RXRA: variants seen among roughly 807,000 people sequenced by gnomAD.
The protein encoded by RXRA is retinoic acid receptor RXR-alpha.
In RXRA, 5 loss-of-function variants were observed where a neutral mutation model predicts 44.5. That is an observed-to-expected ratio of 0.11 (90% CI 0.06 to 0.24). The LOEUF is 0.24. RXRA is among the 10% of genes least tolerant of loss of function. RXRA has a pLI of 1.00. For synonymous variants in RXRA, 291 were observed against 271.4 expected (o/e 1.07, Z -0.71); for missense variants, 412 against 646.5 (o/e 0.64, Z 3.93).
chr9:134,414,304 G>T (rs1237507794), intron 4 of RXRA, among the ~76,000 whole-genome samples: 1 of 152,256 alleles, frequency 6.6e-6, no homozygotes, highest in Non-Finnish European at 1.5e-5. Flanking sequence ...GGCCACCCTT[G>T]TCTGGGGCTC....
intron 1 of RXRA, among the ~76,000 whole-genome samples, chr9:134,338,246 G>C (rs1363241531): frequency 6.6e-6 from 1 of 152,356 alleles, no homozygotes; most frequent in East Asian, 1.9e-4. Context: ...GGTGTGTGGG[G>C]CACGGCCATC....
At chr9:134,344,192 G>C (rs1379461778) in intron 1 of RXRA, among the ~76,000 whole-genome samples, 2 of 152,236 alleles carry the variant, frequency 1.3e-5, no homozygotes, top group African/African-American at 2.4e-5. Context: ...ATGTGGACAG[G>C]TCTGCCCCCA....
chr9:134,418,954 C>T (rs1831283207), intron 5 of RXRA, among the ~76,000 whole-genome samples: 1 of 152,210 alleles, frequency 6.6e-6, no homozygotes, highest in South Asian at 2.1e-4. Flanking sequence ...GTCAGGGCCA[C>T]CCTGCTTCCC....
chr9:134,364,039 TG>T (rs1489794337), intron 1 of RXRA, among the ~76,000 whole-genome samples: 3 of 152,018 alleles, frequency 2.0e-5, no homozygotes, highest in African/African-American at 7.2e-5. Context: ...CATGTTTCCA[TG>T]GTGGGCATAC....
At chr9:134,414,040 G>A (rs887966642) in intron 4 of RXRA, among the ~76,000 whole-genome samples, 2 of 152,348 alleles carry the variant, frequency 1.3e-5, no homozygotes, top group Non-Finnish European at 2.9e-5. Flanking sequence ...CGGAACATGA[G>A]TCAAGCATGA....
At chr9:134,421,498 C>T (rs566246212) in intron 5 of RXRA, among the ~76,000 whole-genome samples, 178 bp from the exon 6 acceptor site, 53 of 152,332 alleles carry the variant, frequency 3.5e-4, no homozygotes, top group Middle Eastern at 6.8e-3. Context: ...TGCCAAGCCC[C>T]ATGTGCCATG....
intron 4 of RXRA, among the ~76,000 whole-genome samples, chr9:134,414,276 G>T (rs1831197662): frequency 6.6e-6 from 1 of 152,282 alleles, no homozygotes; most frequent in Non-Finnish European, 1.5e-5. Flanking sequence ...AGAACTGGCA[G>T]CAAGGCCCCT....
intron 5 of RXRA, among the ~76,000 whole-genome samples, chr9:134,419,663 A>C (rs1831296172): frequency 6.6e-6 from 1 of 152,206 alleles, no homozygotes; most frequent in African/African-American, 2.4e-5. Flanking sequence ...GCAGGAGTAG[A>C]GCCCATCACA....
intron 1 of RXRA, among the ~76,000 whole-genome samples, chr9:134,348,337 G>T (rs990925514): frequency 1.3e-5 from 2 of 152,206 alleles, no homozygotes; most frequent in African/African-American, 2.4e-5. Flanking sequence ...TGAGAAGGAG[G>T]ACAGAGCAGC....
intron 2 of RXRA, chr9:134,405,798 G>T: frequency 6.5e-6 from 1 of 152,740 alleles, no homozygotes. Flanking sequence ...CACAAAGCGA[G>T]GGTGCCCGAC....
chr9:134,434,307 C>T, intron 9 of RXRA, 100 bp downstream of exon 9: 1 of 836,864 alleles, frequency 1.2e-6, no homozygotes, highest in Non-Finnish European at 1.9e-6. Context: ...GAAGGTGGCA[C>T]CCTCCCCAGG....
intron 3 of RXRA, 114 bp downstream of exon 3, chr9:134,408,413 G>A: frequency 1.7e-6 from 2 of 1,172,768 alleles, no homozygotes; most frequent in Non-Finnish European, 2.3e-6. Flanking sequence ...CAAGGCCAGG[G>A]TGCAGGGAGG....
At chr9:134,401,483 G>T in intron 1 of RXRA, 149 bp from the exon 2 acceptor site, 5 of 1,246,586 alleles carry the variant, frequency 4.0e-6, no homozygotes, top group Non-Finnish European at 5.6e-6. Flanking sequence ...GTGAATTTGC[G>T]TCAGAGAGCT....
chr9:134,381,244 G>A (rs1277230275), intron 1 of RXRA, among the ~76,000 whole-genome samples: 1 of 152,180 alleles, frequency 6.6e-6, no homozygotes, highest in African/African-American at 2.4e-5. Context: ...GGAGTGCGTG[G>A]CCAGGTTGCC....
intron 6 of RXRA, 27 bp downstream of exon 6, chr9:134,421,832 G>A (rs1444407914): frequency 6.2e-7 from 1 of 1,611,256 alleles, no homozygotes; most frequent in South Asian, 1.1e-5. Context: ...AGGTGGGGAT[G>A]GGGATGCCAT....
intron 1 of RXRA, among the ~76,000 whole-genome samples, chr9:134,350,501 G>A (rs1830208225): frequency 6.6e-6 from 1 of 152,202 alleles, no homozygotes; most frequent in African/African-American, 2.4e-5. Flanking sequence ...AGCTCCATTC[G>A]GAGGCCTGTG....
chr9:134,423,319 C>T lies in RXRA; in HGVS notation c.910+1514C>T, dbSNP rs118155959. 5.3e-4 allele frequency: 523 copies of T among 985,446 alleles called. 11 individuals carry two copies. In the East Asian group the frequency reaches 0.037, roughly 70 times the overall value. The allele number at this position is 985,446 out of a possible 1,614,324, so 61.0% of individuals were successfully genotyped here. On this transcript the variant is annotated intron_variant, in intron 6 of 9. Transcript: ENST00000481739. ...CCAAGAAGCCAAGCTCCCTTAGGGC[C>T]GGGTGTCCCAGCTGCCTAGAGGCCC...
intron 9 of RXRA, among the ~76,000 whole-genome samples, chr9:134,434,673 G>C (rs1337067019): frequency 6.6e-6 from 1 of 152,200 alleles, no homozygotes; most frequent in Non-Finnish European, 1.5e-5. Flanking sequence ...TTTCCCCCCT[G>C]CCCGGCTGTG....
chr9:134,388,269 C>T (rs1404832380), intron 1 of RXRA, among the ~76,000 whole-genome samples: 2 of 41,020 alleles, frequency 4.9e-5, no homozygotes, highest in Non-Finnish European at 9.6e-5. Context: ...CTTTGGTGTT[C>T]TCAGCTAGAA....
Sources: gnomAD v4.1 joint callset for allele counts (sites outside exome capture counted in the v4.1 genomes callset) on GRCh38, gnomAD v4.1.1 for gene constraint, MANE v1.5 for transcripts, NCBI Gene and HGNC (gene_info 2026-07-23, HGNC 2026-07-21) for gene names.